PRSS23: variants seen among roughly 807,000 people sequenced by gnomAD.
PRSS23 encodes serine protease 23.
A neutral mutation model predicts 34.7 loss-of-function variants in PRSS23; 25 were observed. The ratio of observed to expected loss-of-function variants is 0.72; its 90% CI spans 0.53 to 1.01. The LOEUF is 1.01. Ranked by LOEUF, PRSS23 falls within the 50% of genes least tolerant of loss-of-function variation. The pLI, the probability that PRSS23 is intolerant of heterozygous loss-of-function variation, is 0.00. For missense variants in PRSS23, 445 were observed against 475.6 expected (o/e 0.94, Z 0.60); for synonymous variants, 176 against 186.6 (o/e 0.94, Z 0.46).
chr11:86,907,053 T>A (rs1320283621), intron 2 of PRSS23, among the ~76,000 whole-genome samples: 1 of 152,232 alleles, frequency 6.6e-6, no homozygotes, highest in Non-Finnish European at 1.5e-5. Flanking sequence ...GCGTTGTTTT[T>A]ATTTGTGTAC....
At chr11:86,805,439 C>T (rs1380160273) in intron 1 of PRSS23, among the ~76,000 whole-genome samples, 1 of 152,210 alleles carries the variant, frequency 6.6e-6, no homozygotes, top group Non-Finnish European at 1.5e-5. Flanking sequence ...CAAGCACATA[C>T]AAACACGTGT....
At chr11:86,797,332 A>G (rs184512105), upstream of PRSS23, among the ~76,000 whole-genome samples, 97 of 152,374 alleles carry the variant, frequency 6.4e-4, no homozygotes, top group Middle Eastern at 6.8e-3. Flanking sequence ...CATTTGTCTC[A>G]GAGGTCAAAA....
Position 86,952,148 on chromosome 11 carries a change from T to C in PRSS23, c.*863T>C, listed in dbSNP as rs1949299453. 1.2e-6 allele frequency: 2 copies of C among 1,612,712 alleles called. No homozygotes were observed. The highest frequency in any genetic ancestry group is 2.2e-5 in the East Asian group (1 of 44,850). On this transcript the variant is annotated 3_prime_UTR_variant, in exon 3 of 3. Coordinates refer to the PRSS23 transcript ENST00000533902. ...GTATAAGCCAGCATCATAGCCACAC[T>C]TGAGCACACAGTTCAGGCTCCTTTT...
At chr11:86,831,047 A>G (rs1948351088) in intron 2 of PRSS23, among the ~76,000 whole-genome samples, 1 of 152,056 alleles carries the variant, frequency 6.6e-6, no homozygotes, top group South Asian at 2.1e-4. Flanking sequence ...TGTTTCTCCT[A>G]ATGTCAACGG....
chr11:86,845,616 C>T (rs1020861325), intron 2 of PRSS23, among the ~76,000 whole-genome samples: 1 of 152,168 alleles, frequency 6.6e-6, no homozygotes, highest in African/African-American at 2.4e-5. Flanking sequence ...CATTTCCCTG[C>T]ATCAGGACTT....
At chr11:86,902,931 A>G (rs1261700321) in intron 2 of PRSS23, among the ~76,000 whole-genome samples, 1 of 152,164 alleles carries the variant, frequency 6.6e-6, no homozygotes, top group Non-Finnish European at 1.5e-5. Flanking sequence ...TGGGCAAGCT[A>G]TCTAACCTCT....
intron 2 of PRSS23, among the ~76,000 whole-genome samples, chr11:86,855,507 TG>T (rs1948563402): frequency 1.3e-5 from 2 of 152,170 alleles, no homozygotes; most frequent in Non-Finnish European, 2.9e-5. Flanking sequence ...TCTTTGCGTG[TG>T]TGTGTGTGAT....
At chr11:86,818,306 G>A (rs1193554761) in intron 1 of PRSS23, among the ~76,000 whole-genome samples, 1 of 152,078 alleles carries the variant, frequency 6.6e-6, no homozygotes, top group Non-Finnish European at 1.5e-5. Flanking sequence ...CACATCATAT[G>A]TATCATTAAT....
intron 2 of PRSS23, among the ~76,000 whole-genome samples, chr11:86,895,477 C>CTTTTT (rs71040269): frequency 1.1e-3 from 94 of 86,618 alleles, no homozygotes; most frequent in Non-Finnish European, 1.2e-3. Flanking sequence ...TTATTTTATC[C>CTTTTT]TTTTTTTTTT....
At chr11:86,901,149 A>G (rs1948909455) in intron 2 of PRSS23, among the ~76,000 whole-genome samples, 2 of 152,096 alleles carry the variant, frequency 1.3e-5, no homozygotes, top group Admixed American at 1.3e-4. Flanking sequence ...CCACTATTGT[A>G]CATTCATAAC....
At chr11:86,915,530 G>T (rs561906091) in intron 2 of PRSS23, among the ~76,000 whole-genome samples, 1 of 148,206 alleles carries the variant, frequency 6.7e-6, no homozygotes, top group Non-Finnish European at 1.5e-5. Flanking sequence ...GCTTAGAGTC[G>T]TAATAATAAT....
chr11:86,799,284 C>G (rs1948003368), upstream of PRSS23, among the ~76,000 whole-genome samples: 1 of 152,150 alleles, frequency 6.6e-6, no homozygotes. Flanking sequence ...ATAATGTGTT[C>G]AGGGCTTTCT....
intron 2 of PRSS23, among the ~76,000 whole-genome samples, chr11:86,881,759 A>C (rs1004690038): frequency 2.9e-4 from 44 of 151,868 alleles, no homozygotes; most frequent in Non-Finnish European, 5.9e-5. Context: ...CTCATTAGTA[A>C]TTCAATCTCC....
At chr11:86,906,960 T>G (rs562927239) in intron 2 of PRSS23, among the ~76,000 whole-genome samples, 1 of 152,208 alleles carries the variant, frequency 6.6e-6, no homozygotes, top group Admixed American at 6.5e-5. Context: ...CCGGCTGATG[T>G]CAGGGAACTC....
chr11:86,888,807 G>A (rs1294751671), intron 2 of PRSS23, among the ~76,000 whole-genome samples: 1 of 152,248 alleles, frequency 6.6e-6, no homozygotes, highest in Admixed American at 6.5e-5. Flanking sequence ...TGATAGCACA[G>A]TTACCAACCA....
intron 2 of PRSS23, among the ~76,000 whole-genome samples, chr11:86,839,418 A>G (rs373621344): frequency 2.5e-4 from 38 of 152,250 alleles, no homozygotes; most frequent in African/African-American, 8.2e-4. Flanking sequence ...GAGGGAAAAA[A>G]CCTAACAAAG....
At chr11:86,865,249 A>G (rs1035403326) in intron 2 of PRSS23, among the ~76,000 whole-genome samples, 4 of 152,214 alleles carry the variant, frequency 2.6e-5, no homozygotes, top group Admixed American at 2.0e-4. Flanking sequence ...TTCAATTCCC[A>G]GTTCTACTAT....
intron 2 of PRSS23, among the ~76,000 whole-genome samples, chr11:86,902,388 A>C (rs1320549356): frequency 1.3e-5 from 2 of 152,138 alleles, no homozygotes; most frequent in Non-Finnish European, 2.9e-5. Flanking sequence ...TTCTTTCTTA[A>C]GACCTGTTAT....
chr11:86,881,911 T>C (rs182644247), intron 2 of PRSS23, among the ~76,000 whole-genome samples: 4 of 152,364 alleles, frequency 2.6e-5, no homozygotes, highest in African/African-American at 9.6e-5. Context: ...TATTCCCTTG[T>C]AAACCTTTTT....
Sources: gnomAD v4.1 joint callset for allele counts (sites outside exome capture counted in the v4.1 genomes callset) on GRCh38, gnomAD v4.1.1 for gene constraint, MANE v1.5 for transcripts, NCBI Gene and HGNC (gene_info 2026-07-23, HGNC 2026-07-21) for gene names.